The following CST8 variants were observed in gnomAD, a reference collection of about 807,000 sequenced individuals.
CST8 encodes cystatin 8.
Under a neutral mutation model 11.8 loss-of-function variants are expected in CST8, and 20 were observed. That is an observed-to-expected ratio of 1.70 (90% CI 1.20 to 2.47). The LOEUF (loss-of-function observed/expected upper bound fraction) is 2.47, where lower values mean the gene tolerates loss of function less well. Among genes scored for constraint, CST8 ranks in the 30% most tolerant of loss-of-function variants. The pLI is 0.00. For synonymous variants in CST8, 77 were observed against 63.1 expected (o/e 1.22, Z -1.05); for missense variants, 196 against 167.2 (o/e 1.17, Z -0.95).
Position 23,495,940 on chromosome 20 carries a change from C to T in CST8, c.*26C>T. 1 of 1,533,278 alleles carries T rather than the reference C, an allele frequency of 6.5e-7. No individual in the cohort carries two copies. Among genetic ancestry groups the T allele is most frequent in the Non-Finnish European group, 8.9e-7 (1 of 1,120,698 alleles). The allele number at this position is 1,533,278 out of a possible 1,614,324, so 95.0% of individuals were successfully genotyped here. On this transcript the variant is annotated 3_prime_UTR_variant, in exon 4 of 4. Coordinates refer to ENST00000246012, the MANE Select transcript of CST8 (RefSeq NM_005492.4). ...TGGTGTTTTGAGGCATCCCTCCAACCTCTGTGACTACTTTATCCATGAAAA... is the reference window on the plus strand; with the variant it reads ...TGGTGTTTTGAGGCATCCCTCCAACTTCTGTGACTACTTTATCCATGAAAA...
chr20:23,493,320 T>C (rs193017258), intron 3 of CST8, among the ~76,000 whole-genome samples: 2 of 152,314 alleles, frequency 1.3e-5, no homozygotes, highest in East Asian at 3.9e-4. Context: ...AAGGGCTCCA[T>C]TGACTTCTGG....
At chr20:23,499,826 T>C (rs1568658955), downstream of CST8, among the ~76,000 whole-genome samples, 1 of 152,068 alleles carries the variant, frequency 6.6e-6, no homozygotes, top group Non-Finnish European at 1.5e-5. Flanking sequence ...GGGAGTGAGG[T>C]CTGTCTCAGT....
downstream of CST8, among the ~76,000 whole-genome samples, chr20:23,498,961 T>C (rs1394796563): frequency 6.6e-6 from 1 of 152,220 alleles, no homozygotes; most frequent in African/African-American, 2.4e-5. Flanking sequence ...CATGGACTTA[T>C]AGCTCTATGT....
In CST8 at chr20:23,491,825, T is replaced by C. The variant is rs1392152584; in HGVS notation, c.158T>C (p.Met53Thr). Reference sequence around the variant, plus strand: ...GTGAAGCAGTGTCTGTGGTTTGCCATGCAAGAATACAACAAAGAGAGCGAG... The same window carrying C: ...GTGAAGCAGTGTCTGTGGTTTGCCACGCAAGAATACAACAAAGAGAGCGAG... ...ANVKQCLWFA[M>T]QEYNKESEDK... Residue 53 changes from methionine to threonine, a missense_variant, in exon 2 of 4, where the codon ATG becomes ACG. Physicochemically the swap from Met to Thr is moderately conservative, Grantham distance 81 (BLOSUM62 -1). Coordinates refer to ENST00000246012, the MANE Select transcript of CST8 (RefSeq NM_005492.4). 4 of 1,614,066 alleles carry C rather than the reference T, an allele frequency of 2.5e-6. No individual in the cohort carries two copies. Among genetic ancestry groups the C allele is most frequent in the East Asian group, 2.2e-5 (1 of 44,890 alleles).
At chr20:23,492,886 T>A in intron 2 of CST8, 72 bp from the exon 3 acceptor site, 2 of 319,672 alleles carry the variant, frequency 6.3e-6, no homozygotes, top group Non-Finnish European at 1.1e-5. Flanking sequence ...GTAAGAGTAA[T>A]TTTTTTTTTT....
rs1453130444 is a variant in CST8, at chr20:23,491,873, T to A, written c.206T>A (p.Val69Asp). 6.2e-7 allele frequency: 1 copy of A among 1,613,952 alleles called. No individual in the cohort carries two copies. The highest frequency in any genetic ancestry group is 1.3e-5 in the African/African-American group (1 of 74,936). Reference sequence around the variant, plus strand: ...GAGGACAAGTATGTCTTCCTGGTGGTCAAGACACTGCAAGCCCAGCTTCAG... The same window carrying A: ...GAGGACAAGTATGTCTTCCTGGTGGACAAGACACTGCAAGCCCAGCTTCAG... ...ESEDKYVFLV[V>D]KTLQAQLQVT... The change falls in exon 2 of 4, where the codon GTC (valine) becomes GAC (aspartate). Residue 69 changes from valine (V) to aspartate (D), a missense_variant. Transcript: ENST00000246012.
In CST8 at chr20:23,495,841, G is replaced by A. The variant is rs1331879959; in HGVS notation, c.356G>A (p.Cys119Tyr). 1 of 1,593,276 alleles carries A rather than the reference G, an allele frequency of 6.3e-7. No individual in the cohort carries two copies. Among genetic ancestry groups the A allele is most frequent in the Non-Finnish European group, 8.5e-7 (1 of 1,173,124 alleles). Reference sequence around the variant, plus strand: ...TGTCATCTTTTTCAGAAATTAAGCTGCAGCTTTTTGGTAGGAGCACTTCCC... The same window carrying A: ...TGTCATCTTTTTCAGAAATTAAGCTACAGCTTTTTGGTAGGAGCACTTCCC... The part of the protein sequence containing the change: ...ENSKLKRKLS[C>Y]SFLVGALPWN... Residue 119 changes from cysteine (C) to tyrosine (Y), a missense_variant, in exon 4 of 4, where the codon TGC becomes TAC. By Grantham distance (194) the Cys-to-Tyr change is radical (BLOSUM62 -2). Coordinates refer to ENST00000246012, the MANE Select transcript of CST8 (RefSeq NM_005492.4).
At chr20:23,493,420 T>C (rs1987951537) in intron 3 of CST8, among the ~76,000 whole-genome samples, 1 of 152,214 alleles carries the variant, frequency 6.6e-6, no homozygotes, top group South Asian at 2.1e-4. Context: ...GCTGGGCCCA[T>C]GGTCACTCAT....
chr20:23,496,067 G>C, downstream of CST8: 2 of 620,560 alleles, frequency 3.2e-6, no homozygotes, highest in Non-Finnish European at 5.6e-6. Context: ...GGGGACAGAA[G>C]ATGGGCATGT....
chr20:23,506,789 G>A, the CST8 span, among the ~76,000 whole-genome samples: 2 of 151,992 alleles, frequency 1.3e-5, no homozygotes, highest in Non-Finnish European at 2.9e-5. Context: ...ATCAACACAG[G>A]GTCCCAAGAG....
the CST8 span, among the ~76,000 whole-genome samples, chr20:23,506,618 G>A: frequency 1.3e-5 from 2 of 151,472 alleles, no homozygotes; most frequent in Non-Finnish European, 2.9e-5. Flanking sequence ...TTTTCTGTAA[G>A]ACAACACATA....
At chr20:23,492,641 T>G (rs1987923704) in intron 2 of CST8, among the ~76,000 whole-genome samples, 1 of 152,130 alleles carries the variant, frequency 6.6e-6, no homozygotes, top group African/African-American at 2.4e-5. Context: ...CACCTCTCAG[T>G]CCTCACTGAG....
At chr20:23,504,937 T>C in the CST8 span, among the ~76,000 whole-genome samples, 147 of 152,256 alleles carry the variant, frequency 9.7e-4, 1 homozygote, top group African/African-American at 3.3e-3. Context: ...GGAGGTATTC[T>C]GGAGCTGGAG....
At position 23,495,905 on chromosome 20, in the gene CST8, A is replaced by C. The variant is rs984559285; in HGVS notation, c.420A>C (p.Glu140Asp). ...GEFTVMEKKC[E>D]DA ...TCACTGTGATGGAGAAAAAGTGTGA[A>C]GATGCTTAATGGTGTTTTGAGGCAT... The change falls in exon 4 of 4, where the codon GAA becomes GAC. Residue 140 changes from glutamate (E) to aspartate (D), a missense_variant. Physicochemically the swap from Glu to Asp is conservative, Grantham distance 45. Transcript: ENST00000246012. 1 of 1,610,028 alleles carries C rather than the reference A, an allele frequency of 6.2e-7. No homozygotes were observed. Among genetic ancestry groups the C allele is most frequent in the Non-Finnish European group, 8.5e-7 (1 of 1,178,522 alleles).
intron 3 of CST8, among the ~76,000 whole-genome samples, chr20:23,493,341 C>A (rs2122191444): frequency 6.6e-6 from 1 of 152,302 alleles, no homozygotes; most frequent in East Asian, 1.9e-4. Flanking sequence ...CCTTTTGATG[C>A]AGGCACACTG....
chr20:23,498,021 ATG>A (rs1600299316), downstream of CST8, among the ~76,000 whole-genome samples: 2 of 151,404 alleles, frequency 1.3e-5, no homozygotes, highest in African/African-American at 4.9e-5. Context: ...GTGTGCATGT[ATG>A]TGTGTGTGTA....
chr20:23,506,465 G>A, the CST8 span, among the ~76,000 whole-genome samples: 1 of 152,212 alleles, frequency 6.6e-6, no homozygotes, highest in South Asian at 2.1e-4. Flanking sequence ...AGCTTATGAG[G>A]ATTCCATGGT....
At chr20:23,499,087 G>A (rs990329944), downstream of CST8, among the ~76,000 whole-genome samples, 3 of 152,160 alleles carry the variant, frequency 2.0e-5, no homozygotes, top group South Asian at 6.2e-4. Context: ...TCAGATGTCG[G>A]GAGAAGACAA....
At chr20:23,498,297 T>C (rs1988103977), downstream of CST8, among the ~76,000 whole-genome samples, 1 of 152,220 alleles carries the variant, frequency 6.6e-6, no homozygotes, top group Non-Finnish European at 1.5e-5. Flanking sequence ...TTTGCCATAA[T>C]TAAAAATTTT....
Sources: allele counts gnomAD v4.1 joint callset (sites outside exome capture counted in the v4.1 genomes callset), GRCh38; gene constraint gnomAD v4.1.1; transcripts MANE v1.5; gene names NCBI Gene and HGNC (gene_info 2026-07-23, HGNC 2026-07-21).